S100PBP: variants seen among roughly 807,000 people sequenced by gnomAD.
The protein encoded by S100PBP is S100P binding protein.
In S100PBP, 15 loss-of-function variants were observed where a neutral mutation model predicts 39.9. The ratio of observed to expected loss-of-function variants is 0.38; its 90% CI spans 0.25 to 0.58. S100PBP has a LOEUF of 0.58. Among genes scored for constraint, S100PBP ranks in the 20% least tolerant of loss-of-function variants. S100PBP has a pLI of 0.70. For missense variants in S100PBP, 504 were observed against 487.3 expected (o/e 1.03, Z -0.32); for synonymous variants, 178 against 180.3 (o/e 0.99, Z 0.10).
intron 4 of S100PBP, among the ~76,000 whole-genome samples, chr1:32,829,497 C>G (rs560454460): frequency 6.6e-6 from 1 of 152,254 alleles, no homozygotes; most frequent in Admixed American, 6.5e-5. Flanking sequence ...GGGTCTCACT[C>G]TGTGGCCCAA....
chr1:32,850,771 T>G (rs1245727027), intron 5 of S100PBP, among the ~76,000 whole-genome samples: 2 of 152,250 alleles, frequency 1.3e-5, no homozygotes, highest in East Asian at 3.8e-4. Context: ...AGAGAAACTT[T>G]TAATGAAATC....
chr1:32,831,310 G>T (rs943329751), intron 5 of S100PBP, among the ~76,000 whole-genome samples: 2 of 151,728 alleles, frequency 1.3e-5, no homozygotes, highest in African/African-American at 4.8e-5. Flanking sequence ...GTAGGAGCAG[G>T]GAAGGAGCCC....
chr1:32,843,327 T>TTGC (rs1250409611), intron 5 of S100PBP: 1 of 151,988 alleles, frequency 6.6e-6, no homozygotes, highest in Non-Finnish European at 1.5e-5. Context: ...TTTGTTGTTG[T>TTGC]TGTTGTTGTT....
Position 32,826,279 on chromosome 1 carries a change from A to C in S100PBP, c.180A>C (p.Ala60=), listed in dbSNP as rs750251812. The change falls in exon 3 of 7, where the codon GCA becomes GCC. Residue 60 remains alanine (A), a synonymous_variant. Coordinates refer to ENST00000373475, the MANE Select transcript of S100PBP (RefSeq NM_022753.4). ...DVNYTEEEID[A]LLKEDDPSYE... is the part of the protein sequence containing the mutation. ...ATTACACAGAGGAAGAGATTGATGC[A>C]CTGTTGAAGGAAGATGACCCATCAT... The C allele has an allele frequency of 1.2e-6, 2 of 1,614,178 alleles. No homozygotes were observed. Among genetic ancestry groups the C allele is most frequent in the Admixed American group, 1.7e-5 (1 of 60,020 alleles).
chr1:32,827,868 C>T, intron 3 of S100PBP, 125 bp from the exon 4 acceptor site: 1 of 570,304 alleles, frequency 1.8e-6, no homozygotes, highest in Non-Finnish European at 3.3e-6. Context: ...ACGTGGTACA[C>T]AGTAGTGTTC....
At chr1:32,849,144 T>C (rs1438417069) in intron 5 of S100PBP, among the ~76,000 whole-genome samples, 1 of 149,988 alleles carries the variant, frequency 6.7e-6, no homozygotes, top group Non-Finnish European at 1.5e-5. Context: ...TTTCTTTCTT[T>C]TTTTTTCTTT....
chr1:32,827,413 G>A (rs997095518), intron 3 of S100PBP, among the ~76,000 whole-genome samples: 2 of 152,052 alleles, frequency 1.3e-5, no homozygotes, highest in Non-Finnish European at 1.5e-5. Flanking sequence ...AAAATCTTGG[G>A]CAATTTATCT....
chr1:32,856,005 G>A lies in S100PBP; in HGVS notation c.1194G>A (p.Arg398=), dbSNP rs1261788134. 3 of 1,613,464 alleles carry A rather than the reference G, an allele frequency of 1.9e-6. No individual in the cohort carries two copies. Among genetic ancestry groups the A allele is most frequent in the South Asian group, 2.2e-5 (2 of 91,058 alleles). Residue 398 remains arginine (R), a synonymous_variant, in exon 7 of 7, where the codon CGG becomes CGA. Transcript: ENST00000373475. ...WVDRNMRSHH[R]FQRLPDFSYS ...ACAGGAACATGCGAAGCCACCATCGGTTCCAGCGTCTCCCAGACTTCTCGT... is the reference window on the plus strand; with the variant it reads ...ACAGGAACATGCGAAGCCACCATCGATTCCAGCGTCTCCCAGACTTCTCGT...
At position 32,826,402 on chromosome 1, in the gene S100PBP, G is replaced by A. The variant is rs779338943; in HGVS notation, c.303G>A (p.Ser101=). ...LLDTPREKNS[S]YSLGPVAETP... ...ATACTCCCCGAGAGAAAAATTCATCGTACAGCCTGGGACCAGTAGCTGAGA... is the reference window on the plus strand; with the variant it reads ...ATACTCCCCGAGAGAAAAATTCATCATACAGCCTGGGACCAGTAGCTGAGA... The change falls in exon 3 of 7, where the codon TCG becomes TCA. Residue 101 remains serine, a synonymous_variant. Transcript: ENST00000373475. 2.7e-5 allele frequency: 43 copies of A among 1,613,884 alleles called. No individual in the cohort carries two copies. In the East Asian group the frequency reaches 5.6e-4, roughly 21 times the overall value.
chr1:32,816,796 G>T (rs1366886003), upstream of S100PBP: 2 of 285,324 alleles, frequency 7.0e-6, no homozygotes, highest in Non-Finnish European at 1.4e-5. Flanking sequence ...TCCCAGTATA[G>T]CATCTTCCAG....
chr1:32,827,947 T>C (rs1358415662), intron 3 of S100PBP, 46 bp from the exon 4 acceptor site: 3 of 1,297,452 alleles, frequency 2.3e-6, no homozygotes, highest in Admixed American at 1.8e-5. Context: ...GCTTTTCTTA[T>C]AACTAAGAAT....
At chr1:32,853,050 T>A in intron 5 of S100PBP, 29 bp from the exon 6 acceptor site, 1 of 1,536,306 alleles carries the variant, frequency 6.5e-7, no homozygotes, top group Non-Finnish European at 9.0e-7. Flanking sequence ...ACTCAGCTGT[T>A]CCTAACCACT....
chr1:32,823,790 A>T (rs1470637852), intron 1 of S100PBP, among the ~76,000 whole-genome samples: 1 of 152,216 alleles, frequency 6.6e-6, no homozygotes, highest in Non-Finnish European at 1.5e-5. Context: ...ATTATACATT[A>T]CGTATTATAC....
At chr1:32,839,756 C>T (rs1326431685) in intron 5 of S100PBP, among the ~76,000 whole-genome samples, 9 of 152,130 alleles carry the variant, frequency 5.9e-5, no homozygotes, top group African/African-American at 9.7e-5. Flanking sequence ...ACTATCCTCC[C>T]ACCCCAGCCT....
intron 1 of S100PBP, among the ~76,000 whole-genome samples, chr1:32,819,091 C>T (rs1569810059): frequency 6.6e-6 from 1 of 151,534 alleles, no homozygotes. Context: ...AGAAAGGGAA[C>T]CAGTTTCTGA....
At chr1:32,852,002 C>T (rs889854572) in intron 5 of S100PBP, among the ~76,000 whole-genome samples, 1 of 152,170 alleles carries the variant, frequency 6.6e-6, no homozygotes. Flanking sequence ...GACATGGAGT[C>T]ACACAGGAGC....
chr1:32,836,255 C>G (rs1639812917), intron 5 of S100PBP: 1 of 151,928 alleles, frequency 6.6e-6, no homozygotes, highest in African/African-American at 2.4e-5. Flanking sequence ...GCCTCAGCCT[C>G]CCAAGTAGCT....
intron 1 of S100PBP, among the ~76,000 whole-genome samples, chr1:32,821,297 A>G (rs1404605008): frequency 6.6e-6 from 1 of 152,148 alleles, no homozygotes; most frequent in Non-Finnish European, 1.5e-5. Context: ...ATATGTATCC[A>G]TACATAATAC....
In S100PBP at chr1:32,826,737, C is replaced by G. The variant is rs758159172; in HGVS notation, c.638C>G (p.Ser213Cys). Residue 213 changes from serine (S) to cysteine (C), a missense_variant, in exon 3 of 7, where the codon TCT (serine) becomes TGT (cysteine). Physicochemically the swap from Ser to Cys is moderately radical, Grantham distance 112. Transcript: ENST00000373475. ...NNSAWNGPQL[S>C]SSNNNFQQTV... is the part of the protein sequence containing the mutation. ...TCTGCCTGGAATGGGCCCCAGCTCT[C>G]TTCTTCAAACAATAACTTTCAACAG... is the stretch of plus-strand genomic sequence containing the variant. The G allele has an allele frequency of 2.5e-6, 4 of 1,614,154 alleles. No individual in the cohort carries two copies. The Admixed American group carries it at 5.0e-5, about 20-fold the overall frequency.
Sources: gnomAD v4.1 joint callset for allele counts (sites outside exome capture counted in the v4.1 genomes callset) on GRCh38, gnomAD v4.1.1 for gene constraint, MANE v1.5 for transcripts, NCBI Gene and HGNC (gene_info 2026-07-23, HGNC 2026-07-21) for gene names.